The following RBFOX1 variants were observed in gnomAD, a reference collection of about 807,000 sequenced individuals.
RBFOX1 encodes the protein RNA binding fox-1 homolog 1.
Under a neutral mutation model 57.7 loss-of-function variants are expected in RBFOX1, and 8 were observed. That is an observed-to-expected ratio of 0.14 (90% CI 0.08 to 0.25). The LOEUF (loss-of-function observed/expected upper bound fraction) is 0.25, where lower values mean the gene tolerates loss of function less well. RBFOX1 is among the 10% of genes least tolerant of loss of function. The pLI, the probability that RBFOX1 is intolerant of heterozygous loss-of-function variation, is 1.00. For synonymous variants in RBFOX1, 326 were observed against 222.4 expected, an observed-to-expected ratio of 1.47 and a Z score of -4.15; for missense variants, 611 against 548.5, an observed-to-expected ratio of 1.11 and a Z score of -1.14.
At chr16:7,032,069 C>G (rs76020755) in intron 3 of RBFOX1, among the ~76,000 whole-genome samples, 10,927 of 152,134 alleles carry the variant, frequency 0.072, 692 homozygotes, top group East Asian at 0.33. Context: ...AAGCTGCCAG[C>G]AACTTTCGGA....
At chr16:5,840,384 C>G (rs1455694660) in intron 3 of RBFOX1, among the ~76,000 whole-genome samples, 2 of 152,168 alleles carry the variant, frequency 1.3e-5, no homozygotes, top group South Asian at 2.1e-4. Flanking sequence ...TCCCCAGCGT[C>G]TGAGGGCGCA....
At chr16:6,549,919 G>C (rs2096960222) in intron 2 of RBFOX1, among the ~76,000 whole-genome samples, 1 of 152,102 alleles carries the variant, frequency 6.6e-6, no homozygotes, top group South Asian at 2.1e-4. Context: ...AGCTCAGTTT[G>C]CTCTGCTTAC....
rs547643811 is a variant in RBFOX1, at chr16:7,709,243, T to C, written c.1071+112T>C. On this transcript the variant is annotated intron_variant, in intron 15 of 15. Coordinates refer to ENST00000550418, the MANE Select transcript of RBFOX1 (RefSeq NM_018723.4). ...TCACTTCCCGTTAATTGAATTTGTC[T>C]CTTGTGCTAACAGCAGCTAAAATGC... The C allele has an allele frequency of 6.6e-5, 75 of 1,131,320 alleles. No individual in the cohort carries two copies. In the Admixed American group the frequency reaches 1.8e-3, roughly 28 times the overall value. 70.1% of individuals were successfully genotyped at this position (1,131,320 alleles called of 1,614,324 possible).
intron 3 of RBFOX1, among the ~76,000 whole-genome samples, chr16:6,894,363 T>C (rs1348905316): frequency 1.3e-5 from 2 of 152,190 alleles, no homozygotes; most frequent in Admixed American, 1.3e-4. Flanking sequence ...GTCAGTCTCA[T>C]GGATGGGTGA....
chr16:7,298,202 A>G (rs2095941210), intron 4 of RBFOX1, among the ~76,000 whole-genome samples: 1 of 149,460 alleles, frequency 6.7e-6, no homozygotes, highest in Non-Finnish European at 1.5e-5. Flanking sequence ...ATTGCTGTTT[A>G]TTATAGTTGA....
intron 3 of RBFOX1, among the ~76,000 whole-genome samples, chr16:6,723,288 T>G (rs577617223): frequency 5.5e-4 from 84 of 152,312 alleles, no homozygotes; most frequent in Non-Finnish European, 5.9e-5. Context: ...GGACAATCAT[T>G]TAATATAGGC....
At chr16:5,606,025 G>T (rs1479950557) in intron 3 of RBFOX1, among the ~76,000 whole-genome samples, 1 of 152,074 alleles carries the variant, frequency 6.6e-6, no homozygotes, top group Non-Finnish European at 1.5e-5. Flanking sequence ...GCATTTTCCT[G>T]TCTTACTCTC....
intron 3 of RBFOX1, among the ~76,000 whole-genome samples, chr16:6,965,207 C>T (rs1161544131): frequency 6.6e-6 from 1 of 151,978 alleles, no homozygotes; most frequent in African/African-American, 2.4e-5. Context: ...TGGTGTAAAT[C>T]ACTAATGAAA....
chr16:7,211,840 A>C lies in RBFOX1; in HGVS notation c.27+159742A>C, dbSNP rs1055544969. Among the ~76,000 whole-genome samples the C allele has an allele frequency of 2.0e-5, 3 of 152,132 alleles. No individual in the cohort carries two copies. The East Asian group carries it at 5.8e-4, about 29-fold the overall frequency. ...TGGTTTATCCCCCGCCCTTAGCACG[A>C]GGTGGTTGCAGCGTTTCCTAATATA... On this transcript the variant is annotated intron_variant, in intron 4 of 15. Coordinates refer to ENST00000550418, the MANE Select transcript of RBFOX1 (RefSeq NM_018723.4).
intron 4 of RBFOX1, among the ~76,000 whole-genome samples, chr16:7,178,149 C>CA (rs1232727923): frequency 6.6e-6 from 1 of 152,150 alleles, no homozygotes; most frequent in Non-Finnish European, 1.5e-5. Flanking sequence ...CAACAACAAA[C>CA]AAAAAACATG....
chr16:6,007,572 GT>G (rs2094935044), intron 4 of RBFOX1, among the ~76,000 whole-genome samples: 1 of 152,166 alleles, frequency 6.6e-6, no homozygotes, highest in Admixed American at 6.5e-5. Context: ...GTGAGTTAAT[GT>G]TTCTTGTTTC....
chr16:7,369,041 T>C (rs1431422540), intron 4 of RBFOX1, among the ~76,000 whole-genome samples: 1 of 151,958 alleles, frequency 6.6e-6, no homozygotes, highest in East Asian at 1.9e-4. Flanking sequence ...GGTGAAGAGA[T>C]AGCATGGTGG....
intron 4 of RBFOX1, among the ~76,000 whole-genome samples, chr16:7,096,868 G>T (rs1040366218): frequency 3.2e-4 from 44 of 139,614 alleles, no homozygotes; most frequent in African/African-American, 1.1e-3. Flanking sequence ...GGAGGCGGAG[G>T]TTGCAGTTGG....
intron 4 of RBFOX1, among the ~76,000 whole-genome samples, chr16:5,996,900 G>C (rs573478348): frequency 3.9e-4 from 59 of 152,200 alleles, no homozygotes; most frequent in African/African-American, 1.4e-3. Context: ...TTGAAAGTAA[G>C]AGCAAAAACC....
chr16:6,539,975 G>A (rs772006516), intron 2 of RBFOX1, among the ~76,000 whole-genome samples: 2 of 152,108 alleles, frequency 1.3e-5, no homozygotes, highest in Non-Finnish European at 2.9e-5. Context: ...AATTACCAAT[G>A]TCTTAACAGA....
At chr16:5,627,840 C>G (rs1316872605) in intron 3 of RBFOX1, among the ~76,000 whole-genome samples, 1 of 152,158 alleles carries the variant, frequency 6.6e-6, no homozygotes, top group Non-Finnish European at 1.5e-5. Flanking sequence ...AAATACTGCA[C>G]CATTTCATAT....
At chr16:6,877,050 T>C (rs894532126) in intron 3 of RBFOX1, among the ~76,000 whole-genome samples, 1 of 152,226 alleles carries the variant, frequency 6.6e-6, no homozygotes, top group Non-Finnish European at 1.5e-5. Context: ...TTCATATGTA[T>C]ATTTTGTGTT....
At chr16:5,358,448 G>A (rs1387619366) in intron 1 of RBFOX1, among the ~76,000 whole-genome samples, 1 of 152,124 alleles carries the variant, frequency 6.6e-6, no homozygotes, top group East Asian at 1.9e-4. Flanking sequence ...ACATAGAGGT[G>A]TACATATGTA....
chr16:7,111,268 G>A (rs1458404507), intron 4 of RBFOX1, among the ~76,000 whole-genome samples: 1 of 152,168 alleles, frequency 6.6e-6, no homozygotes, highest in Non-Finnish European at 1.5e-5. Flanking sequence ...AAAAGTGAAA[G>A]TGTAAAGCTT....
Sources: gnomAD v4.1 joint callset for allele counts (sites outside exome capture counted in the v4.1 genomes callset) on GRCh38, gnomAD v4.1.1 for gene constraint, MANE v1.5 for transcripts, NCBI Gene and HGNC (gene_info 2026-07-23, HGNC 2026-07-21) for gene names.